Variants in FGFR1OP2 observed in about 807,000 individuals in gnomAD.
FGFR1OP2 encodes FGFR1 oncogene partner 2.
FGFR1OP2 carries 17 observed loss-of-function variants against 35.2 expected under a neutral mutation model. That is an observed-to-expected ratio of 0.48 (90% CI 0.33 to 0.73). The LOEUF (loss-of-function observed/expected upper bound fraction) is 0.73. Ranked by LOEUF, FGFR1OP2 falls within the 30% of genes least tolerant of loss-of-function variation. FGFR1OP2 has a pLI of 0.02. For synonymous variants in FGFR1OP2, 105 were observed against 104.6 expected (o/e 1.00, Z -0.03); for missense variants, 251 against 307.3 (o/e 0.82, Z 1.37).
intron 3 of FGFR1OP2, 82 bp from the exon 4 acceptor site, chr12:26,957,519 G>A (rs541740829): frequency 2.8e-5 from 35 of 1,244,060 alleles, no homozygotes; most frequent in East Asian, 7.4e-5. Flanking sequence ...AAAATGTCCC[G>A]TTCATAAGTT....
At position 26,964,761 on chromosome 12, in the gene FGFR1OP2, C is replaced by G. The variant is rs772643690; in HGVS notation, c.*28C>G. The G allele has an allele frequency of 5.6e-6, 9 of 1,601,080 alleles. No homozygotes were observed. The highest frequency in any genetic ancestry group is 7.7e-6 in the Non-Finnish European group (9 of 1,173,012). ...AGTTTCTGAGTCTGTGAGCTTCTTA[C>G]ATGGCTCCAAATGGTCAAATAAGTG... On this transcript the variant is annotated 3_prime_UTR_variant, in exon 7 of 7. Transcript: ENST00000229395.
intron 4 of FGFR1OP2, 49 bp from the exon 5 acceptor site, chr12:26,960,466 A>T: frequency 7.4e-7 from 1 of 1,351,762 alleles, no homozygotes; most frequent in Non-Finnish European, 1.0e-6. Context: ...TTCAGTTTTT[A>T]AATTACGGAT....
At chr12:26,962,564 A>T (rs973036377) in intron 5 of FGFR1OP2, 2 of 152,154 alleles carry the variant, frequency 1.3e-5, no homozygotes, top group Non-Finnish European at 2.9e-5. Flanking sequence ...TGTCTCTTTC[A>T]CTAGACTGTA....
At chr12:26,955,976 C>T (rs1470105545) in intron 2 of FGFR1OP2, among the ~76,000 whole-genome samples, 3 of 152,064 alleles carry the variant, frequency 2.0e-5, no homozygotes, top group African/African-American at 4.8e-5. Context: ...GCTTTGATTG[C>T]GGCCCAGCAC....
At chr12:26,947,077 G>A (rs1938839884) in intron 1 of FGFR1OP2, among the ~76,000 whole-genome samples, 1 of 151,520 alleles carries the variant, frequency 6.6e-6, no homozygotes, top group Non-Finnish European at 1.5e-5. Flanking sequence ...TCATTTATCA[G>A]TTGAATAATA....
chr12:26,938,563 C>G lies in FGFR1OP2; in HGVS notation c.-162C>G, dbSNP rs1938619510. 6.6e-6 allele frequency: 1 copy of G among 152,344 alleles called. No individual in the cohort carries two copies. Among genetic ancestry groups the G allele is most frequent in the South Asian group, 2.1e-4 (1 of 4,830 alleles). 9.4% of individuals were successfully genotyped at this position (152,344 alleles called of 1,614,324 possible). A position where few individuals can be genotyped will look rare whatever the true frequency, so the allele number is the denominator to read the frequency against. ...GCCACTGGCTTCCCGGCCTTCCGTC[C>G]GCTGCCTCCGTCCGATTCTGCGTCT... is the stretch of plus-strand genomic sequence containing the variant. On this transcript the variant is annotated 5_prime_UTR_variant, in exon 1 of 7. Coordinates refer to ENST00000229395, the MANE Select transcript of FGFR1OP2 (RefSeq NM_015633.3).
chr12:26,965,701 G>A lies in FGFR1OP2; in HGVS notation c.*968G>A, dbSNP rs1398302007. The A allele has an allele frequency of 6.6e-6, 1 of 150,742 alleles. No individual in the cohort carries two copies. Among genetic ancestry groups the A allele is most frequent in the Non-Finnish European group, 1.5e-5 (1 of 67,724 alleles). 9.3% of individuals were successfully genotyped at this position (150,742 alleles called of 1,614,324 possible). On this transcript the variant is annotated 3_prime_UTR_variant, in exon 7 of 7. Coordinates refer to ENST00000229395, the MANE Select transcript of FGFR1OP2 (RefSeq NM_015633.3). ...AATACAATTTCAAAAAAAAAGTTCC[G>A]GATCTGTTTTTAAGCTCCATCTGGT...
chr12:26,939,429 T>C (rs995186956), intron 1 of FGFR1OP2, among the ~76,000 whole-genome samples: 1 of 152,220 alleles, frequency 6.6e-6, no homozygotes, highest in Non-Finnish European at 1.5e-5. Context: ...TCAGGATCTT[T>C]TACAGTCTGC....
At chr12:26,939,634 C>G (rs146952547) in intron 1 of FGFR1OP2, among the ~76,000 whole-genome samples, 4 of 152,306 alleles carry the variant, frequency 2.6e-5, no homozygotes, top group African/African-American at 9.6e-5. Context: ...CAGACTCCCC[C>G]AGGTGACATT....
chr12:26,958,870 G>A lies in FGFR1OP2; in HGVS notation c.396+1127G>A, dbSNP rs566771666. ...GATTGTGGAAACTAGACTGTTACCT[G>A]TATTAGATAATGGTGAGCTGACTAT... is the stretch of plus-strand genomic sequence containing the variant. On this transcript the variant is annotated intron_variant, in intron 4 of 6. Transcript: ENST00000229395. Among the ~76,000 whole-genome samples the A allele has an allele frequency of 5.1e-4, 78 of 152,220 alleles. 1 individual carries two copies. The highest frequency in any genetic ancestry group is 1.8e-3 in the African/African-American group (74 of 41,552).
chr12:26,958,685 C>T (rs915770058), intron 4 of FGFR1OP2, among the ~76,000 whole-genome samples: 2 of 152,170 alleles, frequency 1.3e-5, no homozygotes, highest in Non-Finnish European at 2.9e-5. Flanking sequence ...ACCTGCTGTT[C>T]ATCCCTTTGT....
intron 1 of FGFR1OP2, among the ~76,000 whole-genome samples, chr12:26,953,077 A>G (rs575700334): frequency 1.3e-5 from 2 of 152,086 alleles, no homozygotes; most frequent in Middle Eastern, 3.4e-3. Context: ...CCTGGCTAAC[A>G]CAGTGAAACC....
At chr12:26,958,760 A>C (rs1189686652) in intron 4 of FGFR1OP2, among the ~76,000 whole-genome samples, 1 of 152,224 alleles carries the variant, frequency 6.6e-6, no homozygotes, top group African/African-American at 2.4e-5. Context: ...GGCAACTGCT[A>C]TGAAGACAAG....
chr12:26,960,231 G>A (rs1939083496), intron 4 of FGFR1OP2, among the ~76,000 whole-genome samples: 1 of 151,984 alleles, frequency 6.6e-6, no homozygotes, highest in Admixed American at 6.6e-5. Context: ...ACACATAACA[G>A]CATTTTGGAT....
chr12:26,952,288 C>G (rs79303714), intron 1 of FGFR1OP2, among the ~76,000 whole-genome samples: 250 of 150,698 alleles, frequency 1.7e-3, no homozygotes, highest in South Asian at 4.2e-3. Context: ...AGAGGAAGTA[C>G]AGGGTATTGT....
chr12:26,949,982 A>G (rs1649116936), intron 1 of FGFR1OP2, among the ~76,000 whole-genome samples: 1 of 152,078 alleles, frequency 6.6e-6, no homozygotes, highest in South Asian at 2.1e-4. Context: ...TTCTTTTGAA[A>G]TTTGACAGGC....
At chr12:26,945,786 A>G (rs1455901508) in intron 1 of FGFR1OP2, among the ~76,000 whole-genome samples, 6 of 151,480 alleles carry the variant, frequency 4.0e-5, no homozygotes, top group Non-Finnish European at 7.4e-5. Flanking sequence ...GCTTGAACCC[A>G]GGAGGCAGAG....
chr12:26,952,478 C>T (rs1938948492), intron 1 of FGFR1OP2, among the ~76,000 whole-genome samples: 1 of 152,070 alleles, frequency 6.6e-6, no homozygotes, highest in Non-Finnish European at 1.5e-5. Context: ...TGGTGGTTTT[C>T]TCTAGAGAGC....
At chr12:26,960,375 T>C in intron 4 of FGFR1OP2, 140 bp from the exon 5 acceptor site, 1 of 483,600 alleles carries the variant, frequency 2.1e-6, no homozygotes, top group Non-Finnish European at 3.5e-6. Context: ...TTTCATGTTA[T>C]TTTTGAACAG....
Sources: gnomAD v4.1 joint callset for allele counts (sites outside exome capture counted in the v4.1 genomes callset) on GRCh38, gnomAD v4.1.1 for gene constraint, MANE v1.5 for transcripts, NCBI Gene and HGNC (gene_info 2026-07-23, HGNC 2026-07-21) for gene names.